CACNG2: variants seen among roughly 807,000 people sequenced by gnomAD.
The protein encoded by CACNG2 is calcium voltage-gated channel auxiliary subunit gamma 2.
Under a neutral mutation model 25.9 loss-of-function variants are expected in CACNG2, and 3 were observed. The observed-to-expected ratio is 0.12, with a 90% confidence interval of 0.05 to 0.30. CACNG2 has a LOEUF of 0.30. Among genes scored for constraint, CACNG2 ranks in the 10% least tolerant of loss-of-function variants. The pLI is 1.00. For missense variants in CACNG2, 341 were observed against 432.5 expected, an observed-to-expected ratio of 0.79 and a Z score of 1.88; for synonymous variants, 167 against 173.3, an observed-to-expected ratio of 0.96 and a Z score of 0.29.
At chr22:36,634,388 T>C (rs1936324177) in intron 1 of CACNG2, among the ~76,000 whole-genome samples, 1 of 152,210 alleles carries the variant, frequency 6.6e-6, no homozygotes, top group South Asian at 2.1e-4. Flanking sequence ...TCAGAAGCTG[T>C]GTGTTGGAGA....
intron 1 of CACNG2, among the ~76,000 whole-genome samples, chr22:36,684,306 G>A (rs763101262): frequency 1.6e-4 from 25 of 152,136 alleles, no homozygotes; most frequent in Admixed American, 5.9e-4. Flanking sequence ...GATTTAAACA[G>A]GGGATCGATT....
intron 1 of CACNG2, among the ~76,000 whole-genome samples, chr22:36,662,468 T>C (rs1936813030): frequency 6.6e-6 from 1 of 152,144 alleles, no homozygotes; most frequent in African/African-American, 2.4e-5. Context: ...CACATTGAAA[T>C]CATGACATGA....
chr22:36,647,421 C>T (rs1034147990), intron 1 of CACNG2, among the ~76,000 whole-genome samples: 1 of 152,060 alleles, frequency 6.6e-6, no homozygotes, highest in African/African-American at 2.4e-5. Context: ...CATGGTGAAA[C>T]CCCGTCTCTA....
chr22:36,693,720 C>T (rs1481307829), intron 1 of CACNG2, among the ~76,000 whole-genome samples: 1 of 152,188 alleles, frequency 6.6e-6, no homozygotes, highest in Non-Finnish European at 1.5e-5. Context: ...ATATGGGCAT[C>T]TGTTTCTGCA....
At chr22:36,662,421 C>T (rs1003630313) in intron 1 of CACNG2, among the ~76,000 whole-genome samples, 7 of 152,140 alleles carry the variant, frequency 4.6e-5, no homozygotes, top group Non-Finnish European at 1.0e-4. Context: ...TGACCTGACC[C>T]CTGCTTCCTT....
intron 1 of CACNG2, among the ~76,000 whole-genome samples, chr22:36,588,932 T>A (rs1343849886): frequency 2.0e-5 from 3 of 152,120 alleles, no homozygotes; most frequent in Admixed American, 6.6e-5. Flanking sequence ...AGGGGCAGAT[T>A]CTAGTATGTG....
At chr22:36,630,095 C>A (rs957988923) in intron 1 of CACNG2, among the ~76,000 whole-genome samples, 6 of 152,064 alleles carry the variant, frequency 3.9e-5, no homozygotes, top group Non-Finnish European at 5.9e-5. Context: ...GAAGGCAGTG[C>A]GGGAGGGAGA....
At chr22:36,624,924 A>G (rs1936161514) in intron 1 of CACNG2, among the ~76,000 whole-genome samples, 1 of 150,160 alleles carries the variant, frequency 6.7e-6, no homozygotes, top group Non-Finnish European at 1.5e-5. Flanking sequence ...GCTACTTGGG[A>G]GGCTGAGGTA....
intron 2 of CACNG2, among the ~76,000 whole-genome samples, chr22:36,573,028 TG>T (rs2145911192): frequency 6.6e-6 from 1 of 152,216 alleles, no homozygotes; most frequent in East Asian, 1.9e-4. Context: ...CTGGATAACG[TG>T]CTATGAAAGA....
chr22:36,647,231 T>C (rs1936539158), intron 1 of CACNG2, among the ~76,000 whole-genome samples: 2 of 152,140 alleles, frequency 1.3e-5, no homozygotes, highest in Admixed American at 1.3e-4. Flanking sequence ...AGTGACCTCC[T>C]CCCAGGTCTG....
intron 3 of CACNG2, among the ~76,000 whole-genome samples, chr22:36,565,100 G>C (rs1235608276): frequency 1.3e-5 from 2 of 152,200 alleles, no homozygotes; most frequent in Non-Finnish European, 2.9e-5. Context: ...CAAGGGAAGC[G>C]CTAATGGAAA....
At chr22:36,612,624 G>A (rs927978001) in intron 1 of CACNG2, among the ~76,000 whole-genome samples, 19 of 152,248 alleles carry the variant, frequency 1.2e-4, no homozygotes, top group African/African-American at 4.3e-4. Context: ...CCTCTCACTT[G>A]GCCAGCATCC....
At chr22:36,605,762 A>G (rs1425838873) in intron 1 of CACNG2, among the ~76,000 whole-genome samples, 1 of 152,228 alleles carries the variant, frequency 6.6e-6, no homozygotes, top group African/African-American at 2.4e-5. Flanking sequence ...GATAGATCAC[A>G]CAGTCTCTAC....
chr22:36,675,967 C>A (rs1224901752), intron 1 of CACNG2, among the ~76,000 whole-genome samples: 1 of 152,170 alleles, frequency 6.6e-6, no homozygotes, highest in East Asian at 1.9e-4. Context: ...ATGAGGTTAG[C>A]ATGGCTGCCA....
chr22:36,673,062 C>G (rs1445544061), intron 1 of CACNG2, among the ~76,000 whole-genome samples: 2 of 152,094 alleles, frequency 1.3e-5, no homozygotes, highest in East Asian at 1.9e-4. Context: ...CCTGTCTCTA[C>G]AAAAAACACA....
chr22:36,579,853 A>G (rs2145916546), intron 2 of CACNG2, among the ~76,000 whole-genome samples: 1 of 152,028 alleles, frequency 6.6e-6, no homozygotes, highest in Non-Finnish European at 1.5e-5. Flanking sequence ...CTTCAATGTC[A>G]CCTTTGCCAC....
At chr22:36,656,869 C>G (rs949553963) in intron 1 of CACNG2, among the ~76,000 whole-genome samples, 1 of 152,226 alleles carries the variant, frequency 6.6e-6, no homozygotes, top group African/African-American at 2.4e-5. Flanking sequence ...TCTCTGGCCC[C>G]CTTCCTGTTT....
At chr22:36,586,628 G>A (rs4820242) in intron 2 of CACNG2, among the ~76,000 whole-genome samples, 98,545 of 152,072 alleles carry the variant, frequency 0.65, 32,524 homozygotes, top group African/African-American at 0.76. Context: ...GGCAATGGCA[G>A]TCCTTGTGCT....
chr22:36,582,488 C>T (rs1437127427), intron 2 of CACNG2, among the ~76,000 whole-genome samples: 1 of 151,746 alleles, frequency 6.6e-6, no homozygotes, highest in East Asian at 1.9e-4. Context: ...TCACTGCAAC[C>T]TCCACCTCCT....
Sources: gnomAD v4.1 joint callset for allele counts (sites outside exome capture counted in the v4.1 genomes callset) on GRCh38, gnomAD v4.1.1 for gene constraint, MANE v1.5 for transcripts, NCBI Gene and HGNC (gene_info 2026-07-23, HGNC 2026-07-21) for gene names.